Variants in TEX11 observed in about 807,000 individuals in gnomAD.
TEX11 encodes the protein testis-expressed protein 11.
Under a neutral mutation model 84.4 loss-of-function variants are expected in TEX11, and 7 were observed. That is an observed-to-expected ratio of 0.08 (90% confidence interval 0.05 to 0.16). The LOEUF (loss-of-function observed/expected upper bound fraction) is 0.16, where lower values mean the gene tolerates loss of function less well. Ranked by LOEUF, TEX11 falls within the 10% of genes least tolerant of loss-of-function variation. TEX11 has a pLI of 1.00. For missense variants in TEX11, 551 were observed against 660.5 expected (o/e 0.83, Z 1.82); for synonymous variants, 264 against 222.8 (o/e 1.18, Z -1.64).
At chrX:70,747,269 T>A (rs2090774373) in intron 9 of TEX11, among the ~76,000 whole-genome samples, 2 of 111,829 alleles carry the variant, frequency 1.8e-5, no homozygotes, top group Non-Finnish European at 3.8e-5. Flanking sequence ...CTTTAGCCAG[T>A]AAGTGAACTA....
chrX:70,739,025 G>A (rs1335016758), intron 11 of TEX11, among the ~76,000 whole-genome samples: 1 of 110,933 alleles, frequency 9.0e-6, no homozygotes, highest in African/African-American at 3.3e-5. Flanking sequence ...CCTAGGTGAC[G>A]GGTTGATAGG....
intron 4 of TEX11, among the ~76,000 whole-genome samples, chrX:70,869,107 TAAAATAAAAC>T (rs1156884329): frequency 2.0e-5 from 2 of 98,516 alleles, no homozygotes; most frequent in Non-Finnish European, 4.1e-5. Flanking sequence ...TAAAATAAAA[TAAAATAAAAC>T]AAAATAAAAT....
chrX:70,677,810 C>CTTTTTT (rs35653618), intron 15 of TEX11, among the ~76,000 whole-genome samples: 7 of 63,577 alleles, frequency 1.1e-4, no homozygotes, highest in African/African-American at 1.4e-4. Context: ...CTTTTCTTTC[C>CTTTTTT]TTTTTTTTTT....
intron 16 of TEX11, among the ~76,000 whole-genome samples, chrX:70,654,275 G>A (rs191715498): frequency 8.1e-5 from 9 of 111,696 alleles, no homozygotes; most frequent in Admixed American, 3.8e-4. Context: ...GTGAAGAACC[G>A]TGAGGGGGTA....
intron 9 of TEX11, among the ~76,000 whole-genome samples, chrX:70,749,895 T>C (rs142453987): frequency 0.07 from 7,727 of 110,397 alleles, 237 homozygotes; most frequent in East Asian, 0.12. Flanking sequence ...TTTTTTGTTG[T>C]GTCTCTGCCT....
At chrX:70,879,836 T>G (rs1248852457) in intron 3 of TEX11, 152 bp downstream of exon 3, 3 of 306,317 alleles carry the variant, frequency 9.8e-6, no homozygotes, top group Non-Finnish European at 1.6e-5. Context: ...TCTAAAATTT[T>G]TCCCCCTAAA....
intron 17 of TEX11, among the ~76,000 whole-genome samples, chrX:70,639,476 A>G (rs1327215963): frequency 1.8e-5 from 2 of 112,270 alleles, no homozygotes; most frequent in African/African-American, 6.5e-5. Flanking sequence ...GGGCACAGAC[A>G]AACAAAAAGA....
At chrX:70,860,775 C>G (rs2091564422) in intron 5 of TEX11, 82 bp downstream of exon 5, 1 of 645,175 alleles carries the variant, frequency 1.5e-6, no homozygotes, top group African/African-American at 2.3e-5. Flanking sequence ...AACCCCCTTC[C>G]AGTTTCACAC....
chrX:70,663,301 C>T (rs1035568287), intron 16 of TEX11, among the ~76,000 whole-genome samples: 3 of 111,658 alleles, frequency 2.7e-5, no homozygotes, highest in African/African-American at 9.7e-5. Flanking sequence ...AAATCCATTT[C>T]ATTGTTTTGG....
chrX:70,734,737 T>C (rs1183661482), intron 11 of TEX11, among the ~76,000 whole-genome samples: 1 of 111,889 alleles, frequency 8.9e-6, no homozygotes, highest in Non-Finnish European at 1.9e-5. Flanking sequence ...AGTTGCTGGG[T>C]GGTCCAGTAT....
At chrX:70,773,029 A>G (rs2090980757) in intron 9 of TEX11, among the ~76,000 whole-genome samples, 1 of 110,482 alleles carries the variant, frequency 9.1e-6, no homozygotes, top group Non-Finnish European at 1.9e-5. Flanking sequence ...AACAACAACA[A>G]CAAAAAAAAC....
At chrX:70,657,094 C>T (rs2089874871) in intron 16 of TEX11, among the ~76,000 whole-genome samples, 1 of 112,024 alleles carries the variant, frequency 8.9e-6, no homozygotes, top group Non-Finnish European at 1.9e-5. Flanking sequence ...CCACACATGG[C>T]TATTTAGCAC....
rs186949941 is a variant in TEX11 at position 70,696,548 on chromosome X, G to A, written c.1005-13723C>T. Among the ~76,000 whole-genome samples the A allele has an allele frequency of 2.0e-3, 222 of 111,366 alleles. 1 individual carries two copies. The highest frequency in any genetic ancestry group is 7.1e-3 in the African/African-American group (218 of 30,629). ...TTTGGGAGGCCAAGACAGGAGGATC[G>A]CTTGAGCCCAGGAGCTCAAGACCAG... On this transcript the variant is annotated intron_variant, in intron 13 of 29. Coordinates refer to ENST00000374333, the MANE Select transcript of TEX11 (RefSeq NM_031276.3).
At chrX:70,890,286 C>T (rs370140526) in intron 2 of TEX11, among the ~76,000 whole-genome samples, 13 of 111,764 alleles carry the variant, frequency 1.2e-4, no homozygotes, top group Admixed American at 3.8e-4. Flanking sequence ...ACACAGAAGA[C>T]GGGTGATTTC....
intron 20 of TEX11, among the ~76,000 whole-genome samples, chrX:70,612,883 T>C (rs2089277488): frequency 9.0e-6 from 1 of 110,958 alleles, no homozygotes; most frequent in Admixed American, 9.6e-5. Context: ...CATTTTATTT[T>C]CAAACTACAG....
chrX:70,677,490 T>C (rs1453043036), intron 15 of TEX11, among the ~76,000 whole-genome samples: 3 of 112,437 alleles, frequency 2.7e-5, no homozygotes, highest in Non-Finnish European at 3.8e-5. Context: ...AGAACTCTGT[T>C]AAACATTGGA....
At chrX:70,686,696 TAAA>T (rs11330282) in intron 13 of TEX11, among the ~76,000 whole-genome samples, 6 of 92,881 alleles carry the variant, frequency 6.5e-5, no homozygotes, top group Admixed American at 1.2e-4. Flanking sequence ...GAACTTAAAG[TAAA>T]AAAAAAAAAA....
At chrX:70,663,082 A>G (rs1026736599) in intron 16 of TEX11, among the ~76,000 whole-genome samples, 2 of 111,804 alleles carry the variant, frequency 1.8e-5, no homozygotes, top group Non-Finnish European at 3.8e-5. Context: ...GTGATTAATG[A>G]GCCTAGTCCC....
chrX:70,592,002 CCTTA>C (rs1220076398), intron 24 of TEX11, among the ~76,000 whole-genome samples, 179 bp from the exon 25 acceptor site: 1 of 111,628 alleles, frequency 9.0e-6, no homozygotes. Context: ...TTGCACATTT[CCTTA>C]CTGTTTCAGA....
Sources: gnomAD v4.1 joint callset for allele counts (sites outside exome capture counted in the v4.1 genomes callset) on GRCh38, gnomAD v4.1.1 for gene constraint, MANE v1.5 for transcripts, NCBI Gene and HGNC (gene_info 2026-07-23, HGNC 2026-07-21) for gene names.